Variants in GRID1 observed in about 807,000 individuals in gnomAD.
GRID1 encodes the protein glutamate receptor ionotropic, delta-1.
A neutral mutation model predicts 98.0 loss-of-function variants in GRID1; 28 were observed. The observed-to-expected ratio is 0.29, with a 90% CI of 0.21 to 0.39. The LOEUF is 0.39. Among genes scored for constraint, GRID1 ranks in the 10% least tolerant of loss-of-function variants. The pLI is 1.00. For missense variants in GRID1, 1,111 were observed against 1,340.5 expected (o/e 0.83, Z 2.67); for synonymous variants, 553 against 538.5 (o/e 1.03, Z -0.37).
chr10:86,015,584 G>A (rs904538479), intron 4 of GRID1, among the ~76,000 whole-genome samples: 12 of 152,232 alleles, frequency 7.9e-5, no homozygotes, highest in African/African-American at 2.2e-4. Context: ...GTGGCAGGGC[G>A]AGTGGAAGTG....
intron 4 of GRID1, among the ~76,000 whole-genome samples, chr10:85,965,457 GA>G (rs965023158): frequency 6.6e-6 from 1 of 152,080 alleles, no homozygotes. Context: ...TATGCAGCCA[GA>G]AAAAAAGATG....
intron 2 of GRID1, among the ~76,000 whole-genome samples, chr10:86,210,014 G>A (rs1265856542): frequency 1.3e-5 from 2 of 152,150 alleles, no homozygotes; most frequent in Admixed American, 6.5e-5. Flanking sequence ...CACTGTCAGG[G>A]GGAAGAGCAG....
intron 4 of GRID1, among the ~76,000 whole-genome samples, chr10:86,098,111 T>C (rs7923926): frequency 0.46 from 70,586 of 152,092 alleles, 17,962 homozygotes; most frequent in African/African-American, 0.68. Context: ...CAGTGGCATC[T>C]GGCCTCCTTT....
intron 8 of GRID1, among the ~76,000 whole-genome samples, chr10:85,752,246 C>A (rs1336366758): frequency 6.6e-6 from 1 of 152,144 alleles, no homozygotes. Flanking sequence ...CACACTCAAA[C>A]TGGAGAAAGT....
intron 4 of GRID1, among the ~76,000 whole-genome samples, chr10:86,129,666 C>T (rs1223494064): frequency 1.3e-5 from 2 of 152,262 alleles, no homozygotes; most frequent in East Asian, 3.8e-4. Flanking sequence ...TGAGAAGGCA[C>T]ATGGCCCCAG....
At chr10:86,199,328 T>C (rs1387783050) in intron 3 of GRID1, among the ~76,000 whole-genome samples, 1 of 152,196 alleles carries the variant, frequency 6.6e-6, no homozygotes, top group East Asian at 1.9e-4. Flanking sequence ...TTCCATTACA[T>C]GTAAATATCA....
chr10:85,686,265 T>C (rs546370427), intron 12 of GRID1, among the ~76,000 whole-genome samples: 52 of 152,260 alleles, frequency 3.4e-4, no homozygotes, highest in African/African-American at 1.1e-3. Context: ...TCAGTGGAGA[T>C]TGTCAAAGTC....
At chr10:86,279,615 G>A (rs1223045244) in intron 2 of GRID1, among the ~76,000 whole-genome samples, 1 of 152,120 alleles carries the variant, frequency 6.6e-6, no homozygotes, top group African/African-American at 2.4e-5. Flanking sequence ...ATTTGATAAA[G>A]AACATTTATA....
intron 12 of GRID1, among the ~76,000 whole-genome samples, chr10:85,716,432 G>A (rs533235693): frequency 2.0e-4 from 31 of 151,988 alleles, no homozygotes; most frequent in African/African-American, 6.8e-4. Flanking sequence ...GAGGCGGGAG[G>A]GATAGCATTG....
At chr10:85,836,701 A>G (rs966950839) in intron 8 of GRID1, among the ~76,000 whole-genome samples, 4 of 152,178 alleles carry the variant, frequency 2.6e-5, no homozygotes, top group Non-Finnish European at 5.9e-5. Context: ...TTCCTCCTAA[A>G]TAAGAGACTT....
At chr10:85,954,908 T>A (rs1306970904) in intron 4 of GRID1, among the ~76,000 whole-genome samples, 1 of 152,230 alleles carries the variant, frequency 6.6e-6, no homozygotes, top group Non-Finnish European at 1.5e-5. Context: ...ATATAAAATG[T>A]CAAACCCACT....
At chr10:85,641,652 T>A (rs1028567161) in intron 13 of GRID1, among the ~76,000 whole-genome samples, 2 of 152,238 alleles carry the variant, frequency 1.3e-5, no homozygotes, top group African/African-American at 4.8e-5. Context: ...AGTTTCTACA[T>A]CTTGGAGATA....
At chr10:86,045,884 A>C (rs1199276422) in intron 4 of GRID1, among the ~76,000 whole-genome samples, 1 of 152,114 alleles carries the variant, frequency 6.6e-6, no homozygotes, top group Non-Finnish European at 1.5e-5. Flanking sequence ...TTTAGAGAGA[A>C]AGGATGCCAG....
At chr10:85,747,688 G>T (rs146903017) in intron 8 of GRID1, among the ~76,000 whole-genome samples, 218 of 152,292 alleles carry the variant, frequency 1.4e-3, no homozygotes, top group African/African-American at 5.0e-3. Context: ...AAAGTGATTA[G>T]TCTATGTAAC....
intron 8 of GRID1, among the ~76,000 whole-genome samples, chr10:85,730,186 C>A (rs1841807392): frequency 6.6e-6 from 1 of 152,210 alleles, no homozygotes; most frequent in Non-Finnish European, 1.5e-5. Context: ...AGGCTAATGG[C>A]AGAGTAAATG....
At chr10:86,295,890 C>T (rs1847581779) in intron 2 of GRID1, among the ~76,000 whole-genome samples, 1 of 152,262 alleles carries the variant, frequency 6.6e-6, no homozygotes, top group African/African-American at 2.4e-5. Flanking sequence ...ACCTGCTCAC[C>T]TGCACTGTGG....
intron 8 of GRID1, among the ~76,000 whole-genome samples, chr10:85,766,270 A>G (rs981655750): frequency 1.3e-5 from 2 of 152,238 alleles, no homozygotes; most frequent in Non-Finnish European, 2.9e-5. Flanking sequence ...AGGACTGCAT[A>G]AGCCCAAGAG....
At position 86,248,563 on chromosome 10, in the gene GRID1, C is replaced by CTT. The variant is rs200060771; in HGVS notation, c.236-41917_236-41916dup. ...TGTCTGCAAATCGGGCATGACAATT[C>CTT]TTTTTTTTTTTTTTTTTTTTTTTTT... On this transcript the variant is annotated intron_variant, in intron 2 of 15. Transcript: ENST00000327946. Among the ~76,000 whole-genome samples, 1,109 of 121,588 alleles carry CTT rather than the reference C, an allele frequency of 9.1e-3. 56 individuals are homozygous for CTT. Among genetic ancestry groups the CTT allele is most frequent in the East Asian group, 0.02 (66 of 3,330 alleles). The allele number at this position is 121,588 out of a possible 152,430, so 79.8% of individuals were successfully genotyped here.
At chr10:86,362,197 A>G (rs1368951205) in intron 2 of GRID1, among the ~76,000 whole-genome samples, 2 of 152,222 alleles carry the variant, frequency 1.3e-5, no homozygotes, top group East Asian at 1.9e-4. Context: ...TTGTGGAACC[A>G]GTGTCAAGGG....
Sources: gnomAD v4.1 joint callset for allele counts (sites outside exome capture counted in the v4.1 genomes callset) on GRCh38, gnomAD v4.1.1 for gene constraint, MANE v1.5 for transcripts, NCBI Gene and HGNC (gene_info 2026-07-23, HGNC 2026-07-21) for gene names.